The following KMO variants were observed in gnomAD, a reference collection of about 807,000 sequenced individuals.
KMO encodes kynurenine 3-monooxygenase.
KMO carries 24 observed loss-of-function variants against 57.8 expected under a neutral mutation model. The observed-to-expected ratio is 0.42, with a 90% confidence interval of 0.30 to 0.58. The LOEUF (loss-of-function observed/expected upper bound fraction) is 0.58. Ranked by LOEUF, KMO falls within the 20% of genes least tolerant of loss-of-function variation. The probability of loss-of-function intolerance (pLI) is 0.22; values close to 1 mark genes in which losing one functional copy is unlikely to be tolerated. For synonymous variants in KMO, 210 were observed against 193.6 expected (o/e 1.08, Z -0.70); for missense variants, 483 against 588.2 (o/e 0.82, Z 1.85).
chr1:241,592,253 T>C lies in KMO; in HGVS notation c.*100T>C, dbSNP rs1432873408. On this transcript the variant is annotated 3_prime_UTR_variant, in exon 15 of 15. Coordinates refer to ENST00000366559, the MANE Select transcript of KMO (RefSeq NM_003679.5). ...CCATATTTGATTCACTAGTGGAAGA[T>C]AGTGTTCTGCTTATAATTAAACTGA... 5 of 816,484 alleles carry C rather than the reference T, an allele frequency of 6.1e-6. No individual in the cohort carries two copies. Among genetic ancestry groups the C allele is most frequent in the South Asian group, 1.6e-5 (1 of 61,702 alleles). 50.6% of individuals were successfully genotyped at this position (816,484 alleles called of 1,614,324 possible). A position where few individuals can be genotyped will look rare whatever the true frequency, so the allele number is the denominator to read the frequency against.
intron 5 of KMO, among the ~76,000 whole-genome samples, chr1:241,558,531 G>A (rs1300717430): frequency 6.6e-6 from 1 of 152,134 alleles, no homozygotes; most frequent in African/African-American, 2.4e-5. Flanking sequence ...TTGTTTCACG[G>A]TTCATCTGCT....
chr1:241,578,844 A>G (rs600841), intron 10 of KMO, among the ~76,000 whole-genome samples: 109,782 of 151,898 alleles, frequency 0.72, 39,752 homozygotes, highest in Middle Eastern at 0.82. Flanking sequence ...TCATGTGGCT[A>G]GGGAGGCCTC....
At chr1:241,540,096 A>T (rs1459831773) in intron 1 of KMO, among the ~76,000 whole-genome samples, 1 of 152,180 alleles carries the variant, frequency 6.6e-6, no homozygotes, top group Non-Finnish European at 1.5e-5. Context: ...ACCTGTTACC[A>T]TTTTGAAAAG....
At chr1:241,547,938 T>C (rs947691094) in intron 1 of KMO, among the ~76,000 whole-genome samples, 6 of 152,114 alleles carry the variant, frequency 3.9e-5, no homozygotes, top group Non-Finnish European at 7.3e-5. Flanking sequence ...AACTCAAGTG[T>C]CCTTTGACAG....
At chr1:241,567,729 T>A (rs1324184361) in intron 9 of KMO, among the ~76,000 whole-genome samples, 1 of 152,232 alleles carries the variant, frequency 6.6e-6, no homozygotes, top group Non-Finnish European at 1.5e-5. Context: ...CTTCCTTCCC[T>A]GAAGACTAAT....
chr1:241,588,338 T>TTTTTTTTTTTTTTTG, intron 11 of KMO, among the ~76,000 whole-genome samples: 1 of 140,100 alleles, frequency 7.1e-6, no homozygotes, highest in Non-Finnish European at 1.5e-5. Flanking sequence ...TCTTTTTTTT[T>TTTTTTTTTTTTTTTG]TTTTTTTTTT....
intron 10 of KMO, among the ~76,000 whole-genome samples, chr1:241,586,325 A>T (rs1435688288): frequency 3.3e-5 from 5 of 149,428 alleles, no homozygotes; most frequent in African/African-American, 1.2e-4. Flanking sequence ...CAGCCTCCCG[A>T]GTAGCTGGGA....
rs542916171 is a variant in KMO, at chr1:241,592,529, A to G, written c.*376A>G. The G allele has an allele frequency of 5.0e-6, 1 of 199,642 alleles. No individual in the cohort carries two copies. Among genetic ancestry groups the G allele is most frequent in the African/African-American group, 2.4e-5 (1 of 42,464 alleles). 12.4% of individuals were successfully genotyped at this position (199,642 alleles called of 1,614,324 possible). A position where few individuals can be genotyped will look rare whatever the true frequency, so the allele number is the denominator to read the frequency against. ...CATTGACTCAACACCTAGGACTAAA[A>G]ATCACAACTTAACTAGCATGTTAAC... On this transcript the variant is annotated 3_prime_UTR_variant, in exon 15 of 15. Transcript: ENST00000366559.
intron 10 of KMO, among the ~76,000 whole-genome samples, chr1:241,575,104 C>T (rs2147973266): frequency 6.6e-6 from 1 of 151,848 alleles, no homozygotes; most frequent in South Asian, 2.1e-4. Context: ...TTGTGGTGTC[C>T]ATTGTAATGT....
chr1:241,590,326 A>G, intron 14 of KMO, 63 bp downstream of exon 14: 1 of 1,293,658 alleles, frequency 7.7e-7, no homozygotes, highest in South Asian at 1.2e-5. Context: ...TAGTATTATG[A>G]TTATGTTTGT....
At chr1:241,554,228 T>TTCCTTCCC (rs1558417427) in intron 4 of KMO, among the ~76,000 whole-genome samples, 1 of 4,080 alleles carries the variant, frequency 2.5e-4, no homozygotes, top group Non-Finnish European at 1.5e-3. Context: ...ATACTTTTCT[T>TTCCTTCCC]TCCTTCCTTC....
At position 241,586,661 on chromosome 1, in the gene KMO, T is replaced by C; in HGVS notation, c.958-18T>C. Reference sequence around the variant, plus strand: ...ATTATTTCTAGTTTCTTATTTCTCTTTTTTTTTCTTGTTTCAGGGCTTTGA... The same window carrying C: ...ATTATTTCTAGTTTCTTATTTCTCTCTTTTTTTCTTGTTTCAGGGCTTTGA... On this transcript the variant is annotated intron_variant, in intron 10 of 14. Transcript: ENST00000366559. The C allele has an allele frequency of 6.5e-7, 1 of 1,536,934 alleles. No homozygotes were observed. The highest frequency in any genetic ancestry group is 1.4e-5 in the African/African-American group (1 of 72,064).
intron 1 of KMO, among the ~76,000 whole-genome samples, chr1:241,542,636 G>A (rs1234253243): frequency 6.6e-6 from 1 of 152,196 alleles, no homozygotes; most frequent in African/African-American, 2.4e-5. Context: ...TTTACCCTCA[G>A]AACCAGAATC....
In KMO at chr1:241,562,184, A is replaced by G; in HGVS notation, c.467A>G (p.Lys156Arg). ...TTTTTCAGATCTGACAAAGTTCCCAAAGATGTCACTTGTGACCTCATTGTA... is the reference window on the plus strand; with the variant it reads ...TTTTTCAGATCTGACAAAGTTCCCAGAGATGTCACTTGTGACCTCATTGTA... ...ITVLGSDKVP[K>R]DVTCDLIVGC... is the part of the protein sequence containing the mutation. Residue 156 changes from lysine to arginine, a missense_variant, in exon 7 of 15, where the codon AAA (lysine) becomes AGA (arginine). By Grantham distance (26) the Lys-to-Arg change is conservative. Transcript: ENST00000366559. 1 of 1,613,962 alleles carries G rather than the reference A, an allele frequency of 6.2e-7. No homozygotes were observed. Among genetic ancestry groups the G allele is most frequent in the Non-Finnish European group, 8.5e-7 (1 of 1,179,922 alleles).
chr1:241,545,264 A>G (rs1661101550), intron 1 of KMO, among the ~76,000 whole-genome samples: 1 of 152,216 alleles, frequency 6.6e-6, no homozygotes, highest in Non-Finnish European at 1.5e-5. Flanking sequence ...TTGATTATAG[A>G]ATCACTCTAA....
chr1:241,595,548 G>A lies in KMO; in HGVS notation c.*3395G>A, dbSNP rs1663481140. ...AGTAAAACATAAATCAAAAGTTAAT[G>A]TAATTGTTATCCCATTATTTAGAGC... On this transcript the variant is annotated 3_prime_UTR_variant, in exon 15 of 15. Transcript: ENST00000366559. The A allele has an allele frequency of 6.6e-6, 1 of 152,178 alleles. No individual in the cohort carries two copies. Among genetic ancestry groups the A allele is most frequent in the Non-Finnish European group, 1.5e-5 (1 of 68,026 alleles). 9.4% of individuals were successfully genotyped at this position (152,178 alleles called of 1,614,324 possible). A position where few individuals can be genotyped will look rare whatever the true frequency, so the allele number is the denominator to read the frequency against.
At chr1:241,565,485 C>A (rs1482178592) in intron 8 of KMO, among the ~76,000 whole-genome samples, 4 of 150,408 alleles carry the variant, frequency 2.7e-5, no homozygotes, top group Admixed American at 2.0e-4. Context: ...CTTTGGGAGG[C>A]CAAAGCGGGA....
At chr1:241,532,747 C>T (rs1051241959) in intron 1 of KMO, among the ~76,000 whole-genome samples, 10 of 151,888 alleles carry the variant, frequency 6.6e-5, no homozygotes, top group African/African-American at 1.9e-4. Flanking sequence ...TCTGTTTTCC[C>T]TCATCATTTT....
intron 1 of KMO, among the ~76,000 whole-genome samples, chr1:241,544,692 G>GT (rs1405342504): frequency 6.6e-6 from 1 of 152,008 alleles, no homozygotes; most frequent in Non-Finnish European, 1.5e-5. Flanking sequence ...TATTCTTTTT[G>GT]TTTTTTACAT....
Sources: allele counts gnomAD v4.1 joint callset (sites outside exome capture counted in the v4.1 genomes callset), GRCh38; gene constraint gnomAD v4.1.1; transcripts MANE v1.5; gene names NCBI Gene and HGNC (gene_info 2026-07-23, HGNC 2026-07-21).